The following NTNG1 variants were observed in gnomAD, a reference collection of about 807,000 sequenced individuals.
NTNG1 encodes netrin G1, also known as netrin-G1.
In NTNG1, 16 loss-of-function variants were observed where a neutral mutation model predicts 54.0. That is an observed-to-expected ratio of 0.30 (90% CI 0.20 to 0.45). NTNG1 has a LOEUF of 0.45. Ranked by LOEUF, NTNG1 falls within the 20% of genes least tolerant of loss-of-function variation. The pLI, the probability that NTNG1 is intolerant of heterozygous loss-of-function variation, is 1.00. For synonymous variants in NTNG1, 255 were observed against 263.1 expected (o/e 0.97, Z 0.30); for missense variants, 530 against 678.7 (o/e 0.78, Z 2.43).
intron 3 of NTNG1, among the ~76,000 whole-genome samples, chr1:107,393,268 G>A (rs1428043779): frequency 6.6e-6 from 1 of 152,100 alleles, no homozygotes; most frequent in Non-Finnish European, 1.5e-5. Flanking sequence ...ACCAGATATG[G>A]TGCTAAATCA....
intron 2 of NTNG1, among the ~76,000 whole-genome samples, chr1:107,232,626 G>A (rs1198405928): frequency 1.3e-5 from 2 of 152,096 alleles, no homozygotes; most frequent in Admixed American, 6.5e-5. Context: ...CCTGCTGTTC[G>A]TCTTGAGATA....
At chr1:107,368,232 C>T (rs1670715487) in intron 3 of NTNG1, among the ~76,000 whole-genome samples, 2 of 152,006 alleles carry the variant, frequency 1.3e-5, no homozygotes, top group African/African-American at 4.8e-5. Flanking sequence ...CTCCCCTCTT[C>T]CTTCTTTTCC....
chr1:107,418,516 C>G, intron 5 of NTNG1: 2 of 1,135,550 alleles, frequency 1.8e-6, no homozygotes, highest in Non-Finnish European at 2.5e-6. Context: ...ATATAATTTT[C>G]TGTTTAGACC....
At chr1:107,395,463 C>A (rs768111068) in intron 4 of NTNG1, 137 bp downstream of exon 4, 1 of 816,200 alleles carries the variant, frequency 1.2e-6, no homozygotes, top group South Asian at 1.3e-5. Flanking sequence ...AAGTTTCAGT[C>A]CCTATCTTAC....
intron 2 of NTNG1, among the ~76,000 whole-genome samples, chr1:107,275,548 G>A (rs924937149): frequency 6.6e-6 from 1 of 152,114 alleles, no homozygotes; most frequent in African/African-American, 2.4e-5. Flanking sequence ...AACCAGGAGA[G>A]CTGATGGTGT....
chr1:107,297,166 T>C (rs1199989226), intron 2 of NTNG1, among the ~76,000 whole-genome samples: 2 of 142,238 alleles, frequency 1.4e-5, no homozygotes, highest in Non-Finnish European at 3.0e-5. Flanking sequence ...ACATCATATA[T>C]ATAACATCAT....
chr1:107,166,267 A>G (rs186338510), intron 2 of NTNG1, among the ~76,000 whole-genome samples: 2 of 152,282 alleles, frequency 1.3e-5, no homozygotes, highest in Non-Finnish European at 2.9e-5. Context: ...AAAGTCTTGT[A>G]TTTCGCTTTC....
At chr1:107,352,105 T>C (rs1669653519) in intron 3 of NTNG1, among the ~76,000 whole-genome samples, 1 of 152,264 alleles carries the variant, frequency 6.6e-6, no homozygotes, top group Admixed American at 6.5e-5. Context: ...GCTGCTTTCA[T>C]GGGTTGGCGT....
chr1:107,327,960 ACTAATGTAG>A (rs2101889175), intron 3 of NTNG1, among the ~76,000 whole-genome samples: 1 of 152,226 alleles, frequency 6.6e-6, no homozygotes, highest in Non-Finnish European at 1.5e-5. Context: ...TTGACATTAG[ACTAATGTAG>A]CATTTATGTT....
At position 107,392,168 on chromosome 1, in the gene NTNG1, C is replaced by T. The variant is rs74359218; in HGVS notation, c.888-2986C>T. On this transcript the variant is annotated intron_variant, in intron 3 of 7. Transcript: ENST00000370068. ...AGAGATCTGAGATGGAGATACAGAGCCCAGACTTACCAGCATTTTGATTAG... is the reference window on the plus strand; with the variant it reads ...AGAGATCTGAGATGGAGATACAGAGTCCAGACTTACCAGCATTTTGATTAG... 6.5e-3 allele frequency among the ~76,000 whole-genome samples: 985 copies of T among 152,092 alleles called. 8 individuals carry two copies. Among genetic ancestry groups the T allele is most frequent in the African/African-American group, 0.023 (941 of 41,492 alleles).
chr1:107,478,816 A>T (rs761540441), intron 7 of NTNG1, among the ~76,000 whole-genome samples: 1 of 152,262 alleles, frequency 6.6e-6, no homozygotes, highest in African/African-American at 2.4e-5. Flanking sequence ...AAACCTACAT[A>T]TGCTTTCCAA....
chr1:107,177,760 G>A (rs1041094366), intron 2 of NTNG1, among the ~76,000 whole-genome samples: 2 of 152,176 alleles, frequency 1.3e-5, no homozygotes, highest in African/African-American at 2.4e-5. Context: ...TTTTCAAGAT[G>A]AAGTTTTAGA....
At chr1:107,295,703 T>A (rs951260510) in intron 2 of NTNG1, among the ~76,000 whole-genome samples, 6 of 152,054 alleles carry the variant, frequency 3.9e-5, no homozygotes, top group South Asian at 2.1e-4. Context: ...GTAGCTATTG[T>A]TATGAATGCA....
At chr1:107,168,440 T>C (rs889076606) in intron 2 of NTNG1, among the ~76,000 whole-genome samples, 2 of 152,128 alleles carry the variant, frequency 1.3e-5, no homozygotes, top group Non-Finnish European at 2.9e-5. Flanking sequence ...CAGTTTAAAA[T>C]ATTTCTCTCT....
chr1:107,229,367 G>A (rs1177300645), intron 2 of NTNG1, among the ~76,000 whole-genome samples: 3 of 150,094 alleles, frequency 2.0e-5, no homozygotes, highest in Non-Finnish European at 4.4e-5. Flanking sequence ...ACTAAAGCTG[G>A]AATGATTGCT....
chr1:107,256,484 G>T (rs959773099), intron 2 of NTNG1, among the ~76,000 whole-genome samples: 1 of 152,220 alleles, frequency 6.6e-6, no homozygotes, highest in Non-Finnish European at 1.5e-5. Flanking sequence ...TCAAAATTTT[G>T]TGAGAGGACC....
intron 7 of NTNG1, among the ~76,000 whole-genome samples, chr1:107,450,439 A>G (rs1676554911): frequency 6.6e-6 from 1 of 152,160 alleles, no homozygotes; most frequent in Non-Finnish European, 1.5e-5. Flanking sequence ...GGCACGCAGT[A>G]AGATAATAAA....
intron 2 of NTNG1, among the ~76,000 whole-genome samples, chr1:107,198,653 C>CTAGATTCTAGCAAGTT (rs2101260663): frequency 6.6e-6 from 1 of 151,940 alleles, no homozygotes; most frequent in African/African-American, 2.4e-5. Flanking sequence ...CTCAGGGAGT[C>CTAGATTCTAGCAAGTT]TAGATTCTAG....
chr1:107,392,940 C>A (rs1013006098), intron 3 of NTNG1, among the ~76,000 whole-genome samples: 1 of 151,978 alleles, frequency 6.6e-6, no homozygotes, highest in African/African-American at 2.4e-5. Context: ...TTGAGTTGAG[C>A]CTTGAATGGT....
Sources: allele counts gnomAD v4.1 joint callset (sites outside exome capture counted in the v4.1 genomes callset), GRCh38; gene constraint gnomAD v4.1.1; transcripts MANE v1.5; gene names NCBI Gene and HGNC (gene_info 2026-07-23, HGNC 2026-07-21).